The following WWOX variants were observed in gnomAD, a reference collection of about 807,000 sequenced individuals.
The protein encoded by WWOX is WW domain-containing oxidoreductase.
WWOX carries 69 observed loss-of-function variants against 46.2 expected under a neutral mutation model. That is an observed-to-expected ratio of 1.49 (90% CI 1.23 to 1.82). The LOEUF (loss-of-function observed/expected upper bound fraction) is 1.82, where lower values mean the gene tolerates loss of function less well. Among genes scored for constraint, WWOX ranks in the 40% most tolerant of loss-of-function variants. The probability of loss-of-function intolerance (pLI) is 0.00; values close to 1 mark genes in which losing one functional copy is unlikely to be tolerated. For missense variants in WWOX, 919 were observed against 542.6 expected (o/e 1.69, Z -6.89); for synonymous variants, 359 against 202.6 (o/e 1.77, Z -6.56).
chr16:79,023,006 A>G (rs1346137800), intron 8 of WWOX, among the ~76,000 whole-genome samples: 4 of 152,288 alleles, frequency 2.6e-5, no homozygotes, highest in Admixed American at 6.5e-5. Context: ...TTAGCGTGGT[A>G]CTGTGTATAT....
At chr16:79,013,480 A>C (rs1360502906) in intron 8 of WWOX, among the ~76,000 whole-genome samples, 2 of 152,086 alleles carry the variant, frequency 1.3e-5, no homozygotes, top group African/African-American at 4.8e-5. Context: ...TCTAAGAGTA[A>C]AACGCATGTC....
chr16:78,229,496 T>TTATC (rs1567442657), intron 5 of WWOX, among the ~76,000 whole-genome samples: 2 of 125,508 alleles, frequency 1.6e-5, no homozygotes, highest in African/African-American at 6.3e-5. Flanking sequence ...GTATATATAT[T>TTATC]TATCTATATC....
intron 8 of WWOX, among the ~76,000 whole-genome samples, chr16:78,699,328 G>GT (rs912054405): frequency 6.6e-6 from 1 of 150,528 alleles, no homozygotes; most frequent in Admixed American, 6.6e-5. Flanking sequence ...GAGCTGAGGA[G>GT]TTTGAGACTG....
intron 8 of WWOX, among the ~76,000 whole-genome samples, chr16:78,927,869 T>G (rs184234062): frequency 1.1e-4 from 16 of 152,290 alleles, no homozygotes; most frequent in Non-Finnish European, 4.4e-5. Flanking sequence ...CTAACTGAAG[T>G]TCAATGAATT....
At chr16:78,259,114 AG>A (rs1386403182) in intron 5 of WWOX, among the ~76,000 whole-genome samples, 1 of 152,266 alleles carries the variant, frequency 6.6e-6, no homozygotes, top group Non-Finnish European at 1.5e-5. Flanking sequence ...AGTTAGAAAT[AG>A]AGTTTTAAAA....
At chr16:78,789,586 C>A (rs1001114544) in intron 8 of WWOX, among the ~76,000 whole-genome samples, 2 of 152,094 alleles carry the variant, frequency 1.3e-5, no homozygotes, top group Non-Finnish European at 2.9e-5. Flanking sequence ...ATTGTGAATT[C>A]TCCAACTTTG....
At chr16:78,480,888 G>T (rs771407403) in intron 8 of WWOX, among the ~76,000 whole-genome samples, 1 of 152,206 alleles carries the variant, frequency 6.6e-6, no homozygotes, top group Non-Finnish European at 1.5e-5. Flanking sequence ...GTCACAGAAT[G>T]AACAAGAGAC....
intron 8 of WWOX, among the ~76,000 whole-genome samples, chr16:78,856,334 T>G (rs1037757593): frequency 6.6e-6 from 1 of 152,146 alleles, no homozygotes; most frequent in African/African-American, 2.4e-5. Context: ...GTAGTGACTT[T>G]TATCGAAGTA....
chr16:79,084,785 A>G (rs910467377), intron 8 of WWOX, among the ~76,000 whole-genome samples: 1 of 152,182 alleles, frequency 6.6e-6, no homozygotes, highest in Non-Finnish European at 1.5e-5. Context: ...TGCATTTTAT[A>G]CAAAGAAGAA....
chr16:79,154,832 C>G (rs538693258), intron 8 of WWOX, among the ~76,000 whole-genome samples: 46 of 152,280 alleles, frequency 3.0e-4, no homozygotes, highest in Non-Finnish European at 5.4e-4. Flanking sequence ...TCCTATTACA[C>G]CTGTGCTTTT....
At chr16:78,694,966 T>G (rs1041966317) in intron 8 of WWOX, among the ~76,000 whole-genome samples, 1 of 152,168 alleles carries the variant, frequency 6.6e-6, no homozygotes, top group Non-Finnish European at 1.5e-5. Flanking sequence ...CAGCCAGTCT[T>G]AGAAGCCCCA....
At chr16:78,433,875 C>T (rs1226404123) in intron 8 of WWOX, among the ~76,000 whole-genome samples, 1 of 149,122 alleles carries the variant, frequency 6.7e-6, no homozygotes, top group African/African-American at 2.5e-5. Context: ...CTGCAAGCTC[C>T]GCCTCCCGGG....
intron 8 of WWOX, among the ~76,000 whole-genome samples, chr16:78,959,316 A>G (rs545071991): frequency 4.6e-5 from 7 of 152,334 alleles, no homozygotes; most frequent in African/African-American, 1.2e-4. Context: ...ACCTGTTGCT[A>G]TATCTGCTGC....
chr16:79,128,721 A>T (rs2049812890), intron 8 of WWOX, among the ~76,000 whole-genome samples: 1 of 152,170 alleles, frequency 6.6e-6, no homozygotes, highest in Admixed American at 6.5e-5. Context: ...GAATTTGCCA[A>T]GGTTTGAAAA....
chr16:78,534,415 G>C (rs1303293339), intron 8 of WWOX: 1 of 152,186 alleles, frequency 6.6e-6, no homozygotes, highest in Non-Finnish European at 1.5e-5. Context: ...ACCATTGAGA[G>C]GCTCATGGTG....
intron 8 of WWOX, among the ~76,000 whole-genome samples, chr16:78,764,111 T>C (rs2049867583): frequency 6.6e-6 from 1 of 152,180 alleles, no homozygotes; most frequent in Non-Finnish European, 1.5e-5. Flanking sequence ...TGCTCCAGGA[T>C]AAAAATCGTG....
chr16:78,135,396 C>T (rs1173864871), intron 4 of WWOX, among the ~76,000 whole-genome samples: 1 of 152,106 alleles, frequency 6.6e-6, no homozygotes. Flanking sequence ...CTTTTAGAAG[C>T]ATAAAAGACG....
intron 8 of WWOX, among the ~76,000 whole-genome samples, chr16:79,013,820 T>G (rs1207709654): frequency 6.6e-6 from 1 of 152,136 alleles, no homozygotes; most frequent in Admixed American, 6.5e-5. Flanking sequence ...TGGGGAAGGT[T>G]GGGGTCCTCT....
chr16:78,187,592 G>C (rs1030533194), intron 5 of WWOX, among the ~76,000 whole-genome samples: 5 of 152,178 alleles, frequency 3.3e-5, no homozygotes, highest in African/African-American at 1.2e-4. Context: ...CACACACAGA[G>C]TGAGACTCTG....
Sources: allele counts gnomAD v4.1 joint callset (sites outside exome capture counted in the v4.1 genomes callset), GRCh38; gene constraint gnomAD v4.1.1; transcripts MANE v1.5; gene names NCBI Gene and HGNC (gene_info 2026-07-23, HGNC 2026-07-21).